TFEC: variants seen among roughly 807,000 people sequenced by gnomAD.
The protein encoded by TFEC is class E basic helix-loop-helix protein 34.
A neutral mutation model predicts 41.6 loss-of-function variants in TFEC; 31 were observed. That is an observed-to-expected ratio of 0.74 (90% CI 0.56 to 1.01). The LOEUF (loss-of-function observed/expected upper bound fraction) is 1.01, where lower values mean the gene tolerates loss of function less well. Among genes scored for constraint, TFEC ranks in the 50% least tolerant of loss-of-function variants. TFEC has a pLI of 0.00. For missense variants in TFEC, 402 were observed against 404.1 expected, an observed-to-expected ratio of 0.99 and a Z score of 0.04; for synonymous variants, 143 against 140.6, an observed-to-expected ratio of 1.02 and a Z score of -0.12.
At chr7:115,953,027 C>T (rs1584572650) in intron 5 of TFEC, among the ~76,000 whole-genome samples, 1 of 152,080 alleles carries the variant, frequency 6.6e-6, no homozygotes, top group Non-Finnish European at 1.5e-5. Flanking sequence ...GAACATGACA[C>T]CGATGTGCTC....
chr7:116,114,415 G>A (rs2116134375), intron 1 of TFEC, among the ~76,000 whole-genome samples: 1 of 152,096 alleles, frequency 6.6e-6, no homozygotes, highest in Admixed American at 6.6e-5. Flanking sequence ...AACAACAAAG[G>A]TGAGAATTTA....
At chr7:116,000,649 G>A (rs1485702625) in intron 1 of TFEC, among the ~76,000 whole-genome samples, 3 of 152,032 alleles carry the variant, frequency 2.0e-5, no homozygotes, top group African/African-American at 7.2e-5. Flanking sequence ...TTCAATATAT[G>A]CCAACAGTGA....
At chr7:115,966,897 C>T (rs1204780945) in intron 3 of TFEC, among the ~76,000 whole-genome samples, 1 of 151,764 alleles carries the variant, frequency 6.6e-6, no homozygotes, top group Non-Finnish European at 1.5e-5. Context: ...TTTATTTTTC[C>T]TTTCACCCTA....
intron 1 of TFEC, chr7:116,119,971 A>AT (rs1798075297): frequency 6.6e-6 from 1 of 151,292 alleles, no homozygotes; most frequent in South Asian, 2.1e-4. Flanking sequence ...AACAGACAAG[A>AT]TAAAAAAAAA....
At chr7:116,005,961 C>A (rs565778243) in intron 1 of TFEC, among the ~76,000 whole-genome samples, 218 of 152,352 alleles carry the variant, frequency 1.4e-3, no homozygotes, top group African/African-American at 5.1e-3. Flanking sequence ...AGGGCGGAAG[C>A]CCCAAGCCTT....
At chr7:115,999,840 C>T (rs1017802035) in intron 1 of TFEC, among the ~76,000 whole-genome samples, 1 of 70,900 alleles carries the variant, frequency 1.4e-5, no homozygotes, top group African/African-American at 5.3e-5. Context: ...AATAAGTCTC[C>T]TAGCAAAAAA....
intron 1 of TFEC, among the ~76,000 whole-genome samples, chr7:116,130,684 C>G (rs999714181): frequency 6.6e-6 from 1 of 152,158 alleles, no homozygotes; most frequent in African/African-American, 2.4e-5. Flanking sequence ...ACAATCCCAG[C>G]TCACTGCAGC....
intron 6 of TFEC, among the ~76,000 whole-genome samples, chr7:115,947,667 C>T (rs528068336): frequency 6.6e-6 from 1 of 151,394 alleles, no homozygotes; most frequent in East Asian, 2.0e-4. Flanking sequence ...TCTCTGATGG[C>T]CAGTGATGGT....
At chr7:116,157,993 C>T (rs1462648951) in intron 1 of TFEC, among the ~76,000 whole-genome samples, 1 of 152,080 alleles carries the variant, frequency 6.6e-6, no homozygotes, top group Non-Finnish European at 1.5e-5. Context: ...CAGATACACA[C>T]AATATTTCTT....
At chr7:115,992,436 T>A (rs1794163741) in intron 1 of TFEC, among the ~76,000 whole-genome samples, 1 of 151,740 alleles carries the variant, frequency 6.6e-6, no homozygotes, top group South Asian at 2.1e-4. Context: ...TTCGAAAAGA[T>A]CAACAAAATT....
intron 1 of TFEC, among the ~76,000 whole-genome samples, chr7:115,997,821 C>T (rs1229959421): frequency 6.6e-6 from 1 of 152,004 alleles, no homozygotes; most frequent in Non-Finnish European, 1.5e-5. Context: ...AAGAACGCAT[C>T]AGAGTCTCTT....
At chr7:116,157,677 C>A (rs1798896985) in intron 1 of TFEC, among the ~76,000 whole-genome samples, 1 of 152,110 alleles carries the variant, frequency 6.6e-6, no homozygotes, top group Non-Finnish European at 1.5e-5. Flanking sequence ...ATCTTTAGCT[C>A]TTTTTAGGGA....
intron 1 of TFEC, among the ~76,000 whole-genome samples, chr7:116,142,668 G>T (rs1416603385): frequency 6.6e-6 from 1 of 152,090 alleles, no homozygotes; most frequent in Non-Finnish European, 1.5e-5. Context: ...GTCAAAGAAA[G>T]CCAGGCTATG....
chr7:116,064,453 T>C (rs1288477869), intron 3 of TFEC, among the ~76,000 whole-genome samples: 1 of 151,232 alleles, frequency 6.6e-6, no homozygotes, highest in Non-Finnish European at 1.5e-5. Flanking sequence ...CATAACTCAA[T>C]AAAGCTGTGG....
intron 1 of TFEC, among the ~76,000 whole-genome samples, chr7:116,129,627 C>G (rs897359340): frequency 2.4e-5 from 3 of 124,598 alleles, no homozygotes; most frequent in Non-Finnish European, 4.8e-5. Context: ...GAGTCTCACT[C>G]TGTTGCTCAG....
chr7:116,021,123 T>C (rs1035890194), intron 1 of TFEC, among the ~76,000 whole-genome samples: 2 of 152,184 alleles, frequency 1.3e-5, no homozygotes, highest in African/African-American at 4.8e-5. Flanking sequence ...AACATAAGAA[T>C]TGATATATAA....
intron 6 of TFEC, among the ~76,000 whole-genome samples, chr7:115,949,603 G>C (rs967347073): frequency 1.3e-5 from 2 of 151,990 alleles, no homozygotes; most frequent in African/African-American, 4.8e-5. Flanking sequence ...ATGGGGAAAG[G>C]ATTCCCTATT....
chr7:116,021,579 G>T (rs1795396764), intron 1 of TFEC, among the ~76,000 whole-genome samples: 1 of 152,122 alleles, frequency 6.6e-6, no homozygotes, highest in Admixed American at 6.5e-5. Context: ...CAAGAAAATA[G>T]GTATAGATTT....
intron 3 of TFEC, among the ~76,000 whole-genome samples, chr7:116,110,051 G>A (rs936025957): frequency 1.1e-4 from 16 of 152,112 alleles, no homozygotes; most frequent in Admixed American, 3.3e-4. Context: ...ACAGGAAGGG[G>A]AACATCACAC....
Sources: allele counts gnomAD v4.1 joint callset (sites outside exome capture counted in the v4.1 genomes callset), GRCh38; gene constraint gnomAD v4.1.1; transcripts MANE v1.5; gene names NCBI Gene and HGNC (gene_info 2026-07-23, HGNC 2026-07-21).